EPDR1: variants seen among roughly 807,000 people sequenced by gnomAD.
EPDR1 encodes ependymin related 1.
EPDR1 carries 27 observed loss-of-function variants against 23.7 expected under a neutral mutation model. The ratio of observed to expected loss-of-function variants is 1.14; its 90% CI spans 0.84 to 1.57. The LOEUF (loss-of-function observed/expected upper bound fraction) is 1.57. EPDR1 is among the 40% of genes most tolerant of loss of function. The pLI is 0.00. For synonymous variants in EPDR1, 137 were observed against 118.2 expected, an observed-to-expected ratio of 1.16 and a Z score of -1.03; for missense variants, 349 against 290.4, an observed-to-expected ratio of 1.20 and a Z score of -1.47.
At chr7:37,937,627 C>T (rs1786080523) in intron 1 of EPDR1, among the ~76,000 whole-genome samples, 1 of 152,104 alleles carries the variant, frequency 6.6e-6, no homozygotes, top group Non-Finnish European at 1.5e-5. Flanking sequence ...AATTACACTG[C>T]TCTTTGAAAG....
chr7:37,927,911 A>G (rs2132001975), intron 1 of EPDR1, among the ~76,000 whole-genome samples: 1 of 152,222 alleles, frequency 6.6e-6, no homozygotes, highest in South Asian at 2.1e-4. Flanking sequence ...AATAAACCAT[A>G]CTGATTTGCA....
chr7:37,943,083 G>A (rs1786201757), intron 1 of EPDR1, among the ~76,000 whole-genome samples: 1 of 152,202 alleles, frequency 6.6e-6, no homozygotes, highest in African/African-American at 2.4e-5. Flanking sequence ...AGCAGCAGCA[G>A]GGCCTTTGTG....
chr7:37,950,391 T>C lies in EPDR1; in HGVS notation c.670T>C (p.Trp224Arg), dbSNP rs560824058. 2.2e-5 allele frequency: 35 copies of C among 1,611,432 alleles called. No individual in the cohort carries two copies. The African/African-American group carries it at 3.7e-4, about 17-fold the overall frequency. ...QLEKMSEDCSW is the reference protein window; with the variant it reads ...QLEKMSEDCSR The stretch of plus-strand genomic sequence containing the variant: ...GGAGAAGATGAGCGAAGACTGCTCC[T>C]GGTGAGCCTGTGCATAGGGAAGCGG... Residue 224 changes from tryptophan (W) to arginine (R), a missense_variant, in exon 3 of 3, where the codon TGG becomes CGG. By Grantham distance (101) the Trp-to-Arg change is moderately radical (BLOSUM62 -3). Transcript: ENST00000199448.
intron 1 of EPDR1, among the ~76,000 whole-genome samples, chr7:37,928,555 C>G (rs1284583742): frequency 6.6e-6 from 1 of 152,184 alleles, no homozygotes; most frequent in African/African-American, 2.4e-5. Flanking sequence ...ATACTCTGGT[C>G]AAAAGCAAGA....
intron 1 of EPDR1, among the ~76,000 whole-genome samples, chr7:37,937,961 T>G (rs1312292384): frequency 6.7e-6 from 1 of 148,872 alleles, no homozygotes; most frequent in Non-Finnish European, 1.5e-5. Context: ...ACATATTAAC[T>G]GAAGAAAAAT....
At chr7:37,922,667 G>GGGT (rs1554372852) in intron 1 of EPDR1, among the ~76,000 whole-genome samples, 1 of 148,082 alleles carries the variant, frequency 6.8e-6, no homozygotes, top group Non-Finnish European at 1.5e-5. Flanking sequence ...GAGGAAGCTA[G>GGGT]GGGGGGGTTC....
At position 37,948,825 on chromosome 7, in the gene EPDR1, C is replaced by A; in HGVS notation, c.270-15C>A. 1 of 1,608,692 alleles carries A rather than the reference C, an allele frequency of 6.2e-7. No individual in the cohort carries two copies. The highest frequency in any genetic ancestry group is 1.1e-5 in the South Asian group (1 of 90,954). ...ACATGAAGTCCCAAACTACTTCTTT[C>A]CATCTGTGTTTCAGATTATTTGAAT... On this transcript the variant is annotated splice_polypyrimidine_tract_variant and intron_variant, in intron 1 of 2. Coordinates refer to ENST00000199448, the MANE Select transcript of EPDR1 (RefSeq NM_017549.5).
At chr7:37,933,795 G>T (rs1379634175) in intron 1 of EPDR1, among the ~76,000 whole-genome samples, 1 of 152,092 alleles carries the variant, frequency 6.6e-6, no homozygotes, top group Admixed American at 6.5e-5. Context: ...TAAAGGAGTG[G>T]TTTTTATTCA....
At chr7:37,944,440 T>C (rs1210544819) in intron 1 of EPDR1, among the ~76,000 whole-genome samples, 2 of 152,198 alleles carry the variant, frequency 1.3e-5, no homozygotes, top group Admixed American at 6.5e-5. Context: ...ATGACATGTA[T>C]GACAAATATG....
chr7:37,948,561 C>T (rs930943356), intron 1 of EPDR1, among the ~76,000 whole-genome samples: 12 of 151,792 alleles, frequency 7.9e-5, no homozygotes, highest in African/African-American at 1.5e-4. Context: ...TTGCCCAGGC[C>T]GGTCTCAAAC....
Position 37,944,898 on chromosome 7 carries a change from T to C in EPDR1, c.270-3942T>C, listed in dbSNP as rs191545686. 1.2e-3 allele frequency among the ~76,000 whole-genome samples: 180 copies of C among 152,308 alleles called. 5 individuals carry two copies. In the East Asian group the frequency reaches 0.028, roughly 24 times the overall value. The stretch of plus-strand genomic sequence containing the variant: ...GGCTACATATTCTCCAGGGAACAAC[T>C]ATTGCAGTCTGAGAAGCACACAACA... On this transcript the variant is annotated intron_variant, in intron 1 of 2. Coordinates refer to ENST00000199448, the MANE Select transcript of EPDR1 (RefSeq NM_017549.5).
rs545102577 is a variant in EPDR1, at chr7:37,920,837, C to G, written c.-103C>G. The G allele has an allele frequency of 6.2e-7, 1 of 1,610,502 alleles. No individual in the cohort carries two copies. The highest frequency in any genetic ancestry group is 1.1e-5 in the South Asian group (1 of 90,382). ...AAGCACTTTGGTCCAGACCACACTC[C>G]CGGCACAGTGCGGAAAGAGCCGGCG... On this transcript the variant is annotated 5_prime_UTR_variant, in exon 1 of 3. Coordinates refer to ENST00000199448, the MANE Select transcript of EPDR1 (RefSeq NM_017549.5).
chr7:37,946,242 A>G (rs943124299), intron 1 of EPDR1, among the ~76,000 whole-genome samples: 1 of 152,210 alleles, frequency 6.6e-6, no homozygotes, highest in Non-Finnish European at 1.5e-5. Context: ...CTTGGGGTAT[A>G]TACACAGTAA....
intron 2 of EPDR1, among the ~76,000 whole-genome samples, chr7:37,949,545 G>A (rs1234087102): frequency 6.6e-6 from 1 of 152,120 alleles, no homozygotes; most frequent in African/African-American, 2.4e-5. Flanking sequence ...GTGGAACACA[G>A]TATGGTGATT....
In EPDR1 at chr7:37,920,771, G is replaced by C. The variant is rs761219331; in HGVS notation, c.-169G>C. On this transcript the variant is annotated 5_prime_UTR_variant, in exon 1 of 3. Coordinates refer to ENST00000199448, the MANE Select transcript of EPDR1 (RefSeq NM_017549.5). The stretch of plus-strand genomic sequence containing the variant: ...TGGTCCCGGCTACCGGGACTCGCGC[G>C]TCCGGATCTCAAAAGCGGCAGAGGC... The C allele has an allele frequency of 3.7e-6, 6 of 1,609,574 alleles. No individual in the cohort carries two copies. Among genetic ancestry groups the C allele is most frequent in the Non-Finnish European group, 3.4e-6 (4 of 1,177,774 alleles).
chr7:37,948,058 C>T (rs1451032663), intron 1 of EPDR1, among the ~76,000 whole-genome samples: 1 of 152,322 alleles, frequency 6.6e-6, no homozygotes, highest in South Asian at 2.1e-4. Flanking sequence ...CATGACTGCT[C>T]GGCAGTGGAG....
rs1387851411 is a variant in EPDR1, at chr7:37,950,253, A to G, written c.532A>G (p.Thr178Ala). 1.2e-6 allele frequency: 2 copies of G among 1,614,082 alleles called. No individual in the cohort carries two copies. The highest frequency in any genetic ancestry group is 1.6e-4 in the Middle Eastern group (1 of 6,062). Reference protein sequence around the residue: ...TVKDCYPVQETFTINYSVILS... With the variant: ...TVKDCYPVQEAFTINYSVILS... ...CAAGGATTGCTATCCTGTCCAGGAA[A>G]CCTTTACCATAAACTACAGTGTGAT... The change falls in exon 3 of 3, where the codon ACC (threonine) becomes GCC (alanine). Residue 178 changes from threonine to alanine, a missense_variant. Transcript: ENST00000199448.
At chr7:37,942,230 G>T (rs1786183527) in intron 1 of EPDR1, among the ~76,000 whole-genome samples, 2 of 152,108 alleles carry the variant, frequency 1.3e-5, no homozygotes, top group African/African-American at 4.8e-5. Context: ...ATCCATCAGT[G>T]GATGAATGGA....
intron 1 of EPDR1, among the ~76,000 whole-genome samples, chr7:37,927,269 A>G (rs1785833126): frequency 6.6e-6 from 1 of 152,184 alleles, no homozygotes; most frequent in Non-Finnish European, 1.5e-5. Flanking sequence ...ACTCATACAT[A>G]TATACACATT....
Sources: gnomAD v4.1 joint callset for allele counts (sites outside exome capture counted in the v4.1 genomes callset) on GRCh38, gnomAD v4.1.1 for gene constraint, MANE v1.5 for transcripts, NCBI Gene and HGNC (gene_info 2026-07-23, HGNC 2026-07-21) for gene names.